Variants in MAD1L1 observed in about 807,000 individuals in gnomAD.
The protein encoded by MAD1L1 is mitotic spindle assembly checkpoint protein MAD1.
MAD1L1 carries 95 observed loss-of-function variants against 96.9 expected under a neutral mutation model. That is an observed-to-expected ratio of 0.98 (90% CI 0.83 to 1.16). MAD1L1 has a LOEUF of 1.16. Among genes scored for constraint, MAD1L1 ranks in the 50% most tolerant of loss-of-function variants. The pLI, the probability that MAD1L1 is intolerant of heterozygous loss-of-function variation, is 0.00. For missense variants in MAD1L1, 1,007 were observed against 954.4 expected (o/e 1.06, Z -0.73); for synonymous variants, 473 against 396.6 (o/e 1.19, Z -2.29).
chr7:2,016,798 C>A (rs1235957897), intron 12 of MAD1L1, among the ~76,000 whole-genome samples: 1 of 152,280 alleles, frequency 6.6e-6, no homozygotes, highest in Non-Finnish European at 1.5e-5. Flanking sequence ...ACAAATCCAA[C>A]TAGAACGGGT....
chr7:2,115,729 C>T (rs906847551), intron 11 of MAD1L1, among the ~76,000 whole-genome samples: 1 of 152,260 alleles, frequency 6.6e-6, no homozygotes, highest in Non-Finnish European at 1.5e-5. Context: ...GGCCCTGCCC[C>T]CAAGGTCAGG....
At position 1,903,022 on chromosome 7, in the gene MAD1L1, G is replaced by A. The variant is rs151139257; in HGVS notation, c.1808-4632C>T. Among the ~76,000 whole-genome samples the A allele has an allele frequency of 7.3e-3, 1,114 of 151,774 alleles. 17 individuals carry two copies. The highest frequency in any genetic ancestry group is 0.025 in the African/African-American group (1,039 of 41,270). The stretch of plus-strand genomic sequence containing the variant: ...CGGAACTCATGATTGATGAAGCACT[G>A]TTCCAGGCAGCGAGAATGCAGTGGC... On this transcript the variant is annotated intron_variant, in intron 17 of 18. Coordinates refer to ENST00000265854, the MANE Select transcript of MAD1L1 (RefSeq NM_001013836.2).
intron 11 of MAD1L1, among the ~76,000 whole-genome samples, chr7:2,097,587 A>T (rs1232723565): frequency 1.3e-5 from 2 of 152,188 alleles, no homozygotes; most frequent in African/African-American, 2.4e-5. Flanking sequence ...CACCTAGAGA[A>T]GCTATGAGGG....
intron 11 of MAD1L1, among the ~76,000 whole-genome samples, chr7:2,090,499 C>T (rs1190346690): frequency 5.3e-5 from 8 of 152,350 alleles, no homozygotes; most frequent in Non-Finnish European, 5.9e-5. Flanking sequence ...GTGTCACGAA[C>T]GGACCTGGGA....
At chr7:1,980,431 G>A (rs1435308067) in intron 15 of MAD1L1, 22 bp downstream of exon 15, 36 of 1,600,706 alleles carry the variant, frequency 2.2e-5, no homozygotes, top group Non-Finnish European at 2.4e-5. Flanking sequence ...GGGCGTGTCC[G>A]CCTCCTCTCT....
chr7:1,815,800 G>A lies in MAD1L1; in HGVS notation c.*270C>T, dbSNP rs1006798450. On this transcript the variant is annotated 3_prime_UTR_variant, in exon 19 of 19. Coordinates refer to ENST00000265854, the MANE Select transcript of MAD1L1 (RefSeq NM_001013836.2). ...ACACAGGGCGAGTGGGAGTGTCTAG[G>A]GGAGAAGATTTTATTTCACAAGGTG... The A allele has an allele frequency of 3.3e-5, 16 of 481,062 alleles. No individual in the cohort carries two copies. Among genetic ancestry groups the A allele is most frequent in the Non-Finnish European group, 5.6e-5 (15 of 266,156 alleles). 29.8% of individuals were successfully genotyped at this position (481,062 alleles called of 1,614,324 possible).
chr7:1,929,709 C>T (rs62442912), intron 17 of MAD1L1, among the ~76,000 whole-genome samples: 22,913 of 134,620 alleles, frequency 0.17, 2,567 homozygotes, highest in South Asian at 0.29. Context: ...CCCGCTGCCA[C>T]GTCCCCTCGC....
chr7:2,189,762 T>C (rs192570914), intron 10 of MAD1L1, among the ~76,000 whole-genome samples: 1 of 152,366 alleles, frequency 6.6e-6, no homozygotes, highest in East Asian at 1.9e-4. Flanking sequence ...GCTACTGAAC[T>C]GTACACTTAA....
In MAD1L1 at chr7:2,014,548, G is replaced by T; in HGVS notation, c.1313C>A (p.Ala438Asp). The T allele has an allele frequency of 6.2e-7, 1 of 1,610,214 alleles. No homozygotes were observed. The change falls in exon 13 of 19, where the codon GCT (alanine) becomes GAT (aspartate). Residue 438 changes from alanine (A) to aspartate (D), a missense_variant. Physicochemically the swap from Ala to Asp is moderately radical, Grantham distance 126. Transcript: ENST00000265854. ...GTGCACCTTCTGCACCATATCCTCA[G>T]CCTCCCGCATGCGCCGCGTCAGCTG... is the stretch of plus-strand genomic sequence containing the variant. ...SPQLTRRMRE[A>D]EDMVQKVHSH...
chr7:2,081,261 T>C (rs1055838782), intron 11 of MAD1L1, among the ~76,000 whole-genome samples: 1 of 152,106 alleles, frequency 6.6e-6, no homozygotes, highest in African/African-American at 2.4e-5. Flanking sequence ...GAGGAGTCAC[T>C]TGGGGCCAGG....
rs999340017 is a variant in MAD1L1, at chr7:1,984,173, G to C, written c.1417-3632C>G. ...ATCGTACTTCTTTGAACCAAGAATT[G>C]TTTAAGACACAGTGTTTTGTTCTGT... On this transcript the variant is annotated intron_variant, in intron 14 of 18. Transcript: ENST00000265854. Among the ~76,000 whole-genome samples, 3 of 152,168 alleles carry C rather than the reference G, an allele frequency of 2.0e-5. No homozygotes were observed. In the East Asian group the frequency reaches 5.8e-4, roughly 29 times the overall value.
chr7:2,019,260 C>T (rs574811171), intron 12 of MAD1L1, among the ~76,000 whole-genome samples: 402 of 152,322 alleles, frequency 2.6e-3, no homozygotes, highest in Non-Finnish European at 4.8e-3. Flanking sequence ...CCTGCTGGGA[C>T]AGAGGCTGGG....
intron 16 of MAD1L1, among the ~76,000 whole-genome samples, chr7:1,946,077 G>A (rs1321355557): frequency 6.6e-6 from 1 of 152,206 alleles, no homozygotes; most frequent in Non-Finnish European, 1.5e-5. Flanking sequence ...ACTGGGGCCA[G>A]GAGGCAGCGG....
chr7:1,890,797 G>C (rs1204524281), intron 18 of MAD1L1, among the ~76,000 whole-genome samples: 1 of 152,214 alleles, frequency 6.6e-6, no homozygotes, highest in Non-Finnish European at 1.5e-5. Context: ...GGGGAGCTGA[G>C]GCCAGAAGTC....
intron 18 of MAD1L1, chr7:1,848,918 C>T (rs1190179569): frequency 6.5e-6 from 1 of 154,442 alleles, no homozygotes; most frequent in Non-Finnish European, 1.5e-5. Context: ...CAGCCTCCTT[C>T]TCACACTATT....
intron 18 of MAD1L1, among the ~76,000 whole-genome samples, chr7:1,845,036 T>C (rs575672353): frequency 6.6e-6 from 1 of 152,340 alleles, no homozygotes; most frequent in African/African-American, 2.4e-5. Flanking sequence ...GCACAGGGTC[T>C]GTGCAGCCAA....
At chr7:2,104,668 C>A (rs1562691426) in intron 11 of MAD1L1, among the ~76,000 whole-genome samples, 1 of 98,498 alleles carries the variant, frequency 1.0e-5, no homozygotes, top group East Asian at 4.1e-4. Flanking sequence ...TACTTACATG[C>A]CTCATTGTGA....
chr7:2,193,936 A>ATTTTTTTTT (rs35067993), intron 10 of MAD1L1, among the ~76,000 whole-genome samples: 18 of 82,800 alleles, frequency 2.2e-4, no homozygotes, highest in African/African-American at 5.2e-4. Flanking sequence ...CTCTGCATGG[A>ATTTTTTTTT]TTTTTTTTTT....
At chr7:2,116,573 G>GC (rs1787709962) in intron 11 of MAD1L1, among the ~76,000 whole-genome samples, 3 of 150,968 alleles carry the variant, frequency 2.0e-5, no homozygotes, top group Non-Finnish European at 4.5e-5. Flanking sequence ...GGGTTGGGGG[G>GC]GGGGGGGGCT....
Sources: gnomAD v4.1 joint callset for allele counts (sites outside exome capture counted in the v4.1 genomes callset) on GRCh38, gnomAD v4.1.1 for gene constraint, MANE v1.5 for transcripts, NCBI Gene and HGNC (gene_info 2026-07-23, HGNC 2026-07-21) for gene names.